Variants in KCNB2 observed in about 807,000 individuals in gnomAD.
The protein encoded by KCNB2 is potassium voltage-gated channel subfamily B member 2, also known as delayed rectifier potassium channel protein.
Under a neutral mutation model 61.5 loss-of-function variants are expected in KCNB2, and 15 were observed. The observed-to-expected ratio is 0.24, with a 90% CI of 0.16 to 0.38. The LOEUF (loss-of-function observed/expected upper bound fraction) is 0.38. Ranked by LOEUF, KCNB2 falls within the 10% of genes least tolerant of loss-of-function variation. The pLI, the probability that KCNB2 is intolerant of heterozygous loss-of-function variation, is 1.00. For synonymous variants in KCNB2, 457 were observed against 446.0 expected, an observed-to-expected ratio of 1.02 and a Z score of -0.31; for missense variants, 828 against 1,125.2, an observed-to-expected ratio of 0.74 and a Z score of 3.78.
At chr8:72,742,580 G>A (rs575556501) in intron 2 of KCNB2, among the ~76,000 whole-genome samples, 11 of 152,138 alleles carry the variant, frequency 7.2e-5, no homozygotes, top group Non-Finnish European at 1.6e-4. Context: ...GCCAGCTATG[G>A]GCATCCAGGT....
chr8:72,855,977 T>A (rs1585934685), intron 2 of KCNB2, among the ~76,000 whole-genome samples: 1 of 152,332 alleles, frequency 6.6e-6, no homozygotes, highest in Non-Finnish European at 1.5e-5. Flanking sequence ...CTGAAGATAG[T>A]TGTTACAGTG....
At chr8:72,815,967 T>C (rs1199903763) in intron 2 of KCNB2, among the ~76,000 whole-genome samples, 2 of 152,020 alleles carry the variant, frequency 1.3e-5, no homozygotes, top group African/African-American at 4.8e-5. Flanking sequence ...TAACAACAAA[T>C]GATAGCAATG....
intron 2 of KCNB2, among the ~76,000 whole-genome samples, chr8:72,681,577 C>T (rs1322167534): frequency 6.6e-6 from 1 of 152,050 alleles, no homozygotes; most frequent in Non-Finnish European, 1.5e-5. Context: ...TTACAATAAA[C>T]TTTTTAAATA....
intron 2 of KCNB2, among the ~76,000 whole-genome samples, chr8:72,616,549 A>G (rs964583196): frequency 3.9e-5 from 6 of 152,192 alleles, no homozygotes; most frequent in African/African-American, 1.2e-4. Flanking sequence ...GGGTTCATCA[A>G]ACTACCCCAT....
intron 2 of KCNB2, among the ~76,000 whole-genome samples, chr8:72,637,286 A>G (rs1805981428): frequency 6.6e-6 from 1 of 152,160 alleles, no homozygotes; most frequent in Admixed American, 6.5e-5. Context: ...AAAAACCTGT[A>G]TTTTACAGTG....
At chr8:72,840,648 C>G (rs1809865983) in intron 2 of KCNB2, among the ~76,000 whole-genome samples, 1 of 152,218 alleles carries the variant, frequency 6.6e-6, no homozygotes, top group African/African-American at 2.4e-5. Context: ...TTGCATTTCT[C>G]TAATGACCAG....
intron 2 of KCNB2, among the ~76,000 whole-genome samples, chr8:72,788,743 T>C (rs1215396992): frequency 1.3e-5 from 2 of 152,160 alleles, no homozygotes; most frequent in Non-Finnish European, 2.9e-5. Flanking sequence ...CCATTCACTA[T>C]ATGAAATTGC....
At chr8:72,762,888 T>C (rs919147349) in intron 2 of KCNB2, among the ~76,000 whole-genome samples, 8 of 148,054 alleles carry the variant, frequency 5.4e-5, no homozygotes, top group Admixed American at 6.8e-5. Context: ...AACAAATATA[T>C]ATATATATAT....
chr8:72,901,064 C>T (rs1223011455), intron 2 of KCNB2, among the ~76,000 whole-genome samples: 3 of 152,122 alleles, frequency 2.0e-5, no homozygotes, highest in Non-Finnish European at 4.4e-5. Context: ...TTCACAATAG[C>T]AAAGACGTGG....
intron 2 of KCNB2, among the ~76,000 whole-genome samples, chr8:72,621,177 C>G (rs540564359): frequency 6.6e-6 from 1 of 152,308 alleles, no homozygotes; most frequent in East Asian, 1.9e-4. Flanking sequence ...TACATTTCAT[C>G]TCTTAACCCT....
chr8:72,613,925 A>G (rs1359010708), intron 2 of KCNB2, among the ~76,000 whole-genome samples: 2 of 152,208 alleles, frequency 1.3e-5, no homozygotes, highest in Admixed American at 6.6e-5. Flanking sequence ...CTCAATACGC[A>G]GAGATTATGG....
chr8:72,709,975 G>A (rs1164329987), intron 2 of KCNB2, among the ~76,000 whole-genome samples: 2 of 152,084 alleles, frequency 1.3e-5, no homozygotes, highest in African/African-American at 4.8e-5. Context: ...GTAAAGTAGG[G>A]GCTGTTGACT....
intron 2 of KCNB2, among the ~76,000 whole-genome samples, chr8:72,700,482 G>A (rs966170752): frequency 2.0e-5 from 3 of 151,960 alleles, no homozygotes; most frequent in African/African-American, 7.3e-5. Flanking sequence ...ACTAATCAGA[G>A]AAGACAAATC....
chr8:72,727,226 C>T (rs1807666944), intron 2 of KCNB2, among the ~76,000 whole-genome samples: 1 of 152,122 alleles, frequency 6.6e-6, no homozygotes, highest in Admixed American at 6.6e-5. Context: ...CCCCCCCAGA[C>T]CTATTTTAAA....
At chr8:72,730,318 A>C (rs1346249391) in intron 2 of KCNB2, among the ~76,000 whole-genome samples, 4 of 152,230 alleles carry the variant, frequency 2.6e-5, no homozygotes, top group African/African-American at 4.8e-5. Flanking sequence ...ACATTTCAAT[A>C]AATTTTAACC....
chr8:72,786,609 G>A lies in KCNB2; in HGVS notation c.580-149326G>A, dbSNP rs1808849434. Among the ~76,000 whole-genome samples the A allele has an allele frequency of 2.0e-5, 3 of 152,128 alleles. No individual in the cohort carries two copies. In the South Asian group the frequency reaches 6.2e-4, roughly 31 times the overall value. Reference sequence around the variant, plus strand: ...GCTCTGAGGCTGTGAATTATCACTGGAGCATTGCTATCTCAATACTTCTCT... The same window carrying A: ...GCTCTGAGGCTGTGAATTATCACTGAAGCATTGCTATCTCAATACTTCTCT... On this transcript the variant is annotated intron_variant, in intron 2 of 2. Transcript: ENST00000523207.
At chr8:72,617,933 G>T (rs191037196) in intron 2 of KCNB2, among the ~76,000 whole-genome samples, 6 of 152,256 alleles carry the variant, frequency 3.9e-5, no homozygotes, top group Admixed American at 2.6e-4. Context: ...TTTAGTGAGG[G>T]TTATAACTAT....
At chr8:72,561,464 A>G (rs1173991207) in intron 1 of KCNB2, among the ~76,000 whole-genome samples, 4 of 151,428 alleles carry the variant, frequency 2.6e-5, no homozygotes, top group Non-Finnish European at 5.9e-5. Context: ...GTTGTGCTAA[A>G]TTTGAGGAAC....
intron 2 of KCNB2, among the ~76,000 whole-genome samples, chr8:72,783,516 G>A (rs1808798388): frequency 6.6e-6 from 1 of 152,064 alleles, no homozygotes; most frequent in Non-Finnish European, 1.5e-5. Flanking sequence ...TGAGTCTTTG[G>A]ATGCTCAGGG....
Sources: allele counts gnomAD v4.1 joint callset (sites outside exome capture counted in the v4.1 genomes callset), GRCh38; gene constraint gnomAD v4.1.1; transcripts MANE v1.5; gene names NCBI Gene and HGNC (gene_info 2026-07-23, HGNC 2026-07-21).